Variants in ZNF391 observed in about 807,000 individuals in gnomAD.
The protein encoded by ZNF391 is zinc finger protein 391.
For synonymous variants in ZNF391, 126 were observed against 142.1 expected, an observed-to-expected ratio of 0.89 and a Z score of 0.80; for missense variants, 375 against 425.5, an observed-to-expected ratio of 0.88 and a Z score of 1.04.
intron 1 of ZNF391, among the ~76,000 whole-genome samples, chr6:27,395,399 G>T (rs1418587966): frequency 2.0e-5 from 3 of 152,070 alleles, no homozygotes; most frequent in African/African-American, 7.2e-5. Context: ...TTCCCTATGT[G>T]ATATGCCTGC....
In ZNF391 at chr6:27,376,605, A is replaced by C. The variant is rs1761421890; in HGVS notation, n.523+1468A>C. 6.6e-6 allele frequency among the ~76,000 whole-genome samples: 1 copy of C among 152,166 alleles called. No individual in the cohort carries two copies. The highest frequency in any genetic ancestry group is 6.5e-5 in the Admixed American group (1 of 15,280). On this transcript the variant is annotated intron_variant and non_coding_transcript_variant, in intron 1 of 2. Coordinates refer to the ZNF391 transcript ENST00000477999. The surrounding 1 kb of genome is among the most constrained non-coding windows in gnomAD (Gnocchi z 4.7). Reference sequence around the variant, plus strand: ...CTGGGATCCAGTCTCTTCATACTTAAAATAGAAACGAAATCAGTTTCCACC... The same window carrying C: ...CTGGGATCCAGTCTCTTCATACTTACAATAGAAACGAAATCAGTTTCCACC...
chr6:27,375,114 G>C (rs1313248279), exon 1 of ZNF391: 2 of 152,332 alleles, frequency 1.3e-5, no homozygotes, highest in African/African-American at 4.8e-5. Context: ...CTCCTCCACA[G>C]GCGAGTGCCT....
At chr6:27,389,460 G>A in intron 1 of ZNF391, 1 of 449,426 alleles carries the variant, frequency 2.2e-6, no homozygotes, top group Non-Finnish European at 4.4e-6. Context: ...ACCCTATGAA[G>A]TAATGTACTA....
chr6:27,396,894 C>T (rs1254753572), intron 1 of ZNF391, among the ~76,000 whole-genome samples: 1 of 152,116 alleles, frequency 6.6e-6, no homozygotes, highest in African/African-American at 2.4e-5. Flanking sequence ...CTTTGTTCTG[C>T]AGGAATGTCT....
chr6:27,375,971 G>A (rs1761411607), intron 1 of ZNF391, among the ~76,000 whole-genome samples: 1 of 152,130 alleles, frequency 6.6e-6, no homozygotes, highest in Non-Finnish European at 1.5e-5. Context: ...TGGTTACTTC[G>A]GGTTCGCCCT....
At chr6:27,396,115 CTACTATTCCCTT>C (rs2113656424) in intron 1 of ZNF391, among the ~76,000 whole-genome samples, 2 of 152,262 alleles carry the variant, frequency 1.3e-5, no homozygotes, top group African/African-American at 4.8e-5. Flanking sequence ...CCCTTCAGAC[CTACTATTCCCTT>C]TACTATTCTG....
At chr6:27,387,952 C>G (rs1283505328), upstream of ZNF391, among the ~76,000 whole-genome samples, 1 of 152,118 alleles carries the variant, frequency 6.6e-6, no homozygotes, top group Non-Finnish European at 1.5e-5. Flanking sequence ...TTCTTTCCAG[C>G]TTTATAATTT....
Position 27,403,284 on chromosome 6 carries a change from C to T in ZNF391, c.*1837C>T, listed in dbSNP as rs1449718359. On this transcript the variant is annotated 3_prime_UTR_variant, in exon 3 of 3. Transcript: ENST00000244576. ...ATACATGCGGGCAGGCCTGTTTTGT[C>T]CCTACTATACCCTCTTCTCACACTT... The T allele has an allele frequency of 6.6e-6, 1 of 152,166 alleles. No individual in the cohort carries two copies. The highest frequency in any genetic ancestry group is 1.5e-5 in the Non-Finnish European group (1 of 68,022). 9.4% of individuals were successfully genotyped at this position (152,166 alleles called of 1,614,324 possible).
Position 27,401,532 on chromosome 6 carries a change from TACTTG to T in ZNF391, c.*86_*90del. 1 of 1,030,522 alleles carries T rather than the reference TACTTG, an allele frequency of 9.7e-7. No individual in the cohort carries two copies. The highest frequency in any genetic ancestry group is 1.4e-6 in the Non-Finnish European group (1 of 732,384). 63.8% of individuals were successfully genotyped at this position (1,030,522 alleles called of 1,614,324 possible). ...AATATATATATTTCAAGTATATATA[TACTTG>T]TTCTAATTTTCTTTTATTAGATACC... is the stretch of plus-strand genomic sequence containing the variant. On this transcript the variant is annotated 3_prime_UTR_variant, in exon 3 of 3. Transcript: ENST00000244576.
chr6:27,377,986 A>G (rs1356426687), intron 1 of ZNF391, among the ~76,000 whole-genome samples: 1 of 152,218 alleles, frequency 6.6e-6, no homozygotes, highest in Admixed American at 6.5e-5. Flanking sequence ...AATAAATGCT[A>G]CTGAATTTGG....
rs1448234080 is a variant in ZNF391 at position 27,376,061 on chromosome 6, C to A, written n.523+924C>A. The stretch of plus-strand genomic sequence containing the variant: ...ATGGAGAAGATATTTCCTGCTATAC[C>A]TGAAGTGTGAAACAGTTGTATGTTT... On this transcript the variant is annotated intron_variant and non_coding_transcript_variant, in intron 1 of 2. Transcript: ENST00000477999. This position sits in a 1 kb window ranked among gnomAD's most constrained non-coding sequence, Gnocchi z 4.7. Among the ~76,000 whole-genome samples, 1 of 152,104 alleles carries A rather than the reference C, an allele frequency of 6.6e-6. No homozygotes were observed. Among genetic ancestry groups the A allele is most frequent in the East Asian group, 1.9e-4 (1 of 5,184 alleles).
rs558628461 is a variant in ZNF391, at chr6:27,374,698, G to T, written n.84G>T. The T allele has an allele frequency of 2.6e-5, 4 of 152,078 alleles. No homozygotes were observed. The highest frequency in any genetic ancestry group is 9.6e-5 in the African/African-American group (4 of 41,496). 9.4% of individuals were successfully genotyped at this position (152,078 alleles called of 1,614,324 possible). On this transcript the variant is annotated non_coding_transcript_exon_variant, in exon 1 of 3. Coordinates refer to the ZNF391 transcript ENST00000477999. This position sits in a 1 kb window ranked among gnomAD's most constrained non-coding sequence, Gnocchi z 5.3. ...CCAGTTTGTGGCTCTCGGAGAGTTC[G>T]CCTCGTCCCTCCCTCTCAGATAACC... is the stretch of plus-strand genomic sequence containing the variant.
rs1761414585 is a variant in ZNF391 at position 27,376,126 on chromosome 6, CTCTT to C, written n.523+991_523+994del. 6.6e-6 allele frequency among the ~76,000 whole-genome samples: 1 copy of C among 152,178 alleles called. No homozygotes were observed. Among genetic ancestry groups the C allele is most frequent in the Admixed American group, 6.5e-5 (1 of 15,284 alleles). ...CTATTTTCCTGCCTCAATAATCACT[CTCTT>C]TAAATGTTTATTGTTTCCTTATCAA... On this transcript the variant is annotated intron_variant and non_coding_transcript_variant, in intron 1 of 2. Transcript: ENST00000477999. This position sits in a 1 kb window ranked among gnomAD's most constrained non-coding sequence, Gnocchi z 4.7.
intron 1 of ZNF391, among the ~76,000 whole-genome samples, chr6:27,391,547 GGAC>G (rs1761714785): frequency 6.6e-6 from 1 of 151,060 alleles, no homozygotes; most frequent in Non-Finnish European, 1.5e-5. Context: ...TGGATGCCTT[GGAC>G]TATGACCTTT....
Position 27,379,933 on chromosome 6 carries a change from G to A in ZNF391, n.523+4796G>A, listed in dbSNP as rs115045600. Among the ~76,000 whole-genome samples, 547 of 152,324 alleles carry A rather than the reference G, an allele frequency of 3.6e-3. 4 individuals are homozygous for A. Among genetic ancestry groups the A allele is most frequent in the African/African-American group, 0.012 (519 of 41,566 alleles). On this transcript the variant is annotated intron_variant and non_coding_transcript_variant, in intron 1 of 2. Coordinates refer to the ZNF391 transcript ENST00000477999. Reference sequence around the variant, plus strand: ...TAGTCATCCTGTCCCACCAAAGGGGGTAGGGGAAACTGAGAAAGGTGTGAA... The same window carrying A: ...TAGTCATCCTGTCCCACCAAAGGGGATAGGGGAAACTGAGAAAGGTGTGAA...
rs368342226 is a variant in ZNF391 at position 27,401,286 on chromosome 6, G to A, written c.916G>A (p.Glu306Lys). The change falls in exon 3 of 3, where the codon GAG becomes AAG. Residue 306 changes from glutamate (E) to lysine (K), a missense_variant. Glu to Lys is a moderately conservative substitution (Grantham distance 56). Coordinates refer to ENST00000244576, the MANE Select transcript of ZNF391 (RefSeq NM_001076781.3). ...AATCCACAGTGGAGAAAAGCCTCAC[G>A]AGTGTAGAGTGTGTGGAAAGGGCTT... ...QRIHSGEKPH[E>K]CRVCGKGFSR... 87 of 1,614,008 alleles carry A rather than the reference G, an allele frequency of 5.4e-5. No individual in the cohort carries two copies. The highest frequency in any genetic ancestry group is 3.1e-4 in the East Asian group (14 of 44,876).
intron 1 of ZNF391, among the ~76,000 whole-genome samples, chr6:27,375,907 A>G (rs1185779422): frequency 6.6e-6 from 1 of 152,204 alleles, no homozygotes; most frequent in Non-Finnish European, 1.5e-5. Context: ...ATAGGAACTC[A>G]AAGACACCGT....
intron 1 of ZNF391, among the ~76,000 whole-genome samples, chr6:27,391,498 T>C (rs1761713545): frequency 6.6e-6 from 1 of 152,140 alleles, no homozygotes; most frequent in African/African-American, 2.4e-5. Flanking sequence ...TAGGGTTGCA[T>C]TCAACAGGCT....
upstream of ZNF391, among the ~76,000 whole-genome samples, chr6:27,387,589 G>GA (rs2113644377): frequency 6.6e-6 from 1 of 152,318 alleles, no homozygotes; most frequent in African/African-American, 2.4e-5. Context: ...GCTGCAGTAT[G>GA]AATGAACCTT....
Sources: allele counts gnomAD v4.1 joint callset (sites outside exome capture counted in the v4.1 genomes callset), GRCh38; gene constraint gnomAD v4.1.1; non-coding constraint Gnocchi (gnomAD v3.1); transcripts MANE v1.5; gene names NCBI Gene and HGNC (gene_info 2026-07-23, HGNC 2026-07-21).